Variants in COL22A1 observed in about 807,000 individuals in gnomAD.
COL22A1 encodes the protein collagen alpha-1(XXII) chain.
A neutral mutation model predicts 248.9 loss-of-function variants in COL22A1; 221 were observed. The ratio of observed to expected loss-of-function variants is 0.89; its 90% CI spans 0.80 to 0.99. The LOEUF (loss-of-function observed/expected upper bound fraction) is 0.99, where lower values mean the gene tolerates loss of function less well. Ranked by LOEUF, COL22A1 falls within the 50% of genes least tolerant of loss-of-function variation. The pLI, the probability that COL22A1 is intolerant of heterozygous loss-of-function variation, is 0.00. For missense variants in COL22A1, 2,240 were observed against 2,179.0 expected (o/e 1.03, Z -0.56); for synonymous variants, 891 against 793.4 (o/e 1.12, Z -2.07).
At chr8:138,819,675 TTA>T (rs1818947653) in intron 7 of COL22A1, among the ~76,000 whole-genome samples, 4 of 148,266 alleles carry the variant, frequency 2.7e-5, no homozygotes, top group South Asian at 2.1e-4. Context: ...TCTATATAAT[TTA>T]TGTCTATAAT....
chr8:138,769,545 C>T (rs1232579794), intron 16 of COL22A1, among the ~76,000 whole-genome samples: 3 of 152,132 alleles, frequency 2.0e-5, no homozygotes, highest in Non-Finnish European at 4.4e-5. Flanking sequence ...CTTGTCCTCC[C>T]GGTGGGGACT....
At chr8:138,602,977 A>T (rs926868442) in intron 59 of COL22A1, among the ~76,000 whole-genome samples, 1 of 152,206 alleles carries the variant, frequency 6.6e-6, no homozygotes, top group African/African-American at 2.4e-5. Context: ...GACAGCACAC[A>T]TTTGGAAAGC....
intron 18 of COL22A1, among the ~76,000 whole-genome samples, chr8:138,756,149 G>A (rs1464632515): frequency 6.6e-6 from 1 of 152,188 alleles, no homozygotes; most frequent in East Asian, 1.9e-4. Flanking sequence ...TGCGGCTTGA[G>A]AGCAGCCTCA....
intron 39 of COL22A1, 136 bp downstream of exon 39, chr8:138,684,289 T>C (rs1238483545): frequency 2.7e-6 from 2 of 744,642 alleles, no homozygotes; most frequent in African/African-American, 3.6e-5. Flanking sequence ...CTAGAACCTT[T>C]AGTCAAATGG....
intron 30 of COL22A1, among the ~76,000 whole-genome samples, chr8:138,707,753 C>T (rs1246547490): frequency 6.6e-6 from 1 of 152,190 alleles, no homozygotes; most frequent in Non-Finnish European, 1.5e-5. Context: ...TCTCACCACT[C>T]CTATTCAACA....
intron 43 of COL22A1, 77 bp from the exon 44 acceptor site, chr8:138,660,557 ATCTC>A (rs1823731328): frequency 3.1e-6 from 4 of 1,271,122 alleles, no homozygotes; most frequent in Non-Finnish European, 4.6e-6. Context: ...CCCTCTGCCA[ATCTC>A]TCTATCTGCT....
intron 3 of COL22A1, among the ~76,000 whole-genome samples, chr8:138,864,735 G>A (rs1822733007): frequency 6.6e-6 from 1 of 152,184 alleles, no homozygotes; most frequent in South Asian, 2.1e-4. Context: ...CAGAGGCAAT[G>A]GATGGAGGTG....
chr8:138,858,555 G>C (rs555130643), intron 3 of COL22A1, among the ~76,000 whole-genome samples: 1 of 152,042 alleles, frequency 6.6e-6, no homozygotes, highest in East Asian at 1.9e-4. Flanking sequence ...CTTTCCCCTG[G>C]AGATTCTGAC....
chr8:138,843,388 C>G (rs1034049151), intron 4 of COL22A1, among the ~76,000 whole-genome samples: 1 of 152,140 alleles, frequency 6.6e-6, no homozygotes, highest in Non-Finnish European at 1.5e-5. Flanking sequence ...AGGAGAGACA[C>G]CAAACCCAGG....
chr8:138,645,242 G>A (rs187731490), intron 47 of COL22A1, among the ~76,000 whole-genome samples: 2 of 152,234 alleles, frequency 1.3e-5, no homozygotes, highest in Admixed American at 1.3e-4. Flanking sequence ...CACATGTACA[G>A]CCAGAGGACC....
In COL22A1 at chr8:138,655,796, T is replaced by C. The variant is rs1289675633; in HGVS notation, c.3333+101A>G. On this transcript the variant is annotated intron_variant, in intron 45 of 64. Transcript: ENST00000303045. Reference sequence around the variant, plus strand: ...ATGGCGCTGCTGTTATCGTTAATACTACCAAATAGTTGTTCAAAAAAAACC... The same window carrying C: ...ATGGCGCTGCTGTTATCGTTAATACCACCAAATAGTTGTTCAAAAAAAACC... 1.1e-5 allele frequency: 11 copies of C among 981,354 alleles called. No homozygotes were observed. The Admixed American group carries it at 1.4e-4, about 13-fold the overall frequency. The allele number at this position is 981,354 out of a possible 1,614,324, so 60.8% of individuals were successfully genotyped here. A position where few individuals can be genotyped will look rare whatever the true frequency, so the allele number is the denominator to read the frequency against.
intron 21 of COL22A1, among the ~76,000 whole-genome samples, chr8:138,751,811 C>T (rs138995228): frequency 1.5e-3 from 235 of 152,316 alleles, no homozygotes; most frequent in African/African-American, 5.3e-3. Flanking sequence ...CACACAGAAG[C>T]GAACTGTCTG....
At position 138,693,668 on chromosome 8, in the gene COL22A1, G is replaced by A. The variant is rs1827262216; in HGVS notation, c.2732C>T (p.Ala911Val). The A allele has an allele frequency of 6.3e-7, 1 of 1,585,922 alleles. No individual in the cohort carries two copies. The highest frequency in any genetic ancestry group is 1.2e-5 in the South Asian group (1 of 86,652). ...GAKGQEGAHG[A>V]PGAAGNPGAP... is the part of the protein sequence containing the mutation. ...CACGGGGTTTCCAGCTGCTCCAGGA[G>A]CCCCATGTGCACCTTCCTGTCCCTT... Residue 911 changes from alanine to valine, a missense_variant, in exon 35 of 65, where the codon GCT becomes GTT. Ala to Val is a moderately conservative substitution (Grantham distance 64). Coordinates refer to ENST00000303045, the MANE Select transcript of COL22A1 (RefSeq NM_152888.3).
intron 2 of COL22A1, among the ~76,000 whole-genome samples, chr8:138,880,338 G>C (rs1262053813): frequency 6.6e-6 from 1 of 152,188 alleles, no homozygotes; most frequent in Admixed American, 6.5e-5. Flanking sequence ...AAGAAAACCT[G>C]TGCGTGTGTG....
chr8:138,857,360 G>A (rs1327658659), intron 3 of COL22A1, among the ~76,000 whole-genome samples: 2 of 152,222 alleles, frequency 1.3e-5, no homozygotes, highest in African/African-American at 4.8e-5. Flanking sequence ...CAGGACTGCA[G>A]TGTGGCCCCT....
rs1295999307 is a variant in COL22A1, at chr8:138,716,227, C to G, written c.2463G>C (p.Gln821His). 5.1e-6 allele frequency: 8 copies of G among 1,582,156 alleles called. No homozygotes were observed. The change falls in exon 29 of 65, where the codon CAG (glutamine) becomes CAC (histidine). Residue 821 changes from glutamine (Q) to histidine (H), a missense_variant and splice_region_variant. By Grantham distance (24) the Gln-to-His change is conservative. Transcript: ENST00000303045. ...FPGVRGEKGD[Q>H]GEKGELGLPG... The stretch of plus-strand genomic sequence containing the variant: ...GGAGGAAGGAAGCTGCCACACTTAC[C>G]TGGTCTCCTTTCTCTCCTCTCACAC...
chr8:138,746,601 A>G (rs1586637836), intron 22 of COL22A1, among the ~76,000 whole-genome samples: 1 of 152,178 alleles, frequency 6.6e-6, no homozygotes, highest in African/African-American at 2.4e-5. Flanking sequence ...GGGCCCCCAA[A>G]ACCCACTTGC....
At chr8:138,635,863 T>C (rs1821108262) in intron 48 of COL22A1, among the ~76,000 whole-genome samples, 2 of 152,200 alleles carry the variant, frequency 1.3e-5, no homozygotes, top group South Asian at 4.1e-4. Flanking sequence ...ATTCAGACTT[T>C]GAGCACTGCT....
intron 60 of COL22A1, among the ~76,000 whole-genome samples, chr8:138,601,690 A>T (rs909394844): frequency 6.6e-6 from 1 of 152,172 alleles, no homozygotes; most frequent in African/African-American, 2.4e-5. Context: ...AAGGCAATTC[A>T]TTATGGGAAA....
Sources: allele counts gnomAD v4.1 joint callset (sites outside exome capture counted in the v4.1 genomes callset), GRCh38; gene constraint gnomAD v4.1.1; transcripts MANE v1.5; gene names NCBI Gene and HGNC (gene_info 2026-07-23, HGNC 2026-07-21).